CDK15: variants seen among roughly 807,000 people sequenced by gnomAD.
The protein encoded by CDK15 is cyclin-dependent kinase 15.
CDK15 carries 62 observed loss-of-function variants against 60.3 expected under a neutral mutation model. That is an observed-to-expected ratio of 1.03 (90% confidence interval 0.84 to 1.27). The LOEUF is 1.27. Among genes scored for constraint, CDK15 ranks in the 50% most tolerant of loss-of-function variants. The pLI is 0.00. For synonymous variants in CDK15, 194 were observed against 195.7 expected (o/e 0.99, Z 0.07); for missense variants, 541 against 527.8 (o/e 1.03, Z -0.25).
rs116298494 is a variant in CDK15 at position 201,835,216 on chromosome 2, C to T, written c.731-427C>T. On this transcript the variant is annotated intron_variant, in intron 7 of 13. Transcript: ENST00000652192. Reference sequence around the variant, plus strand: ...GCAGAGCATGTATGGTGGCCCCATGCTATCTTGGCCCAGGCTGCTTCTGTC... The same window carrying T: ...GCAGAGCATGTATGGTGGCCCCATGTTATCTTGGCCCAGGCTGCTTCTGTC... Among the ~76,000 whole-genome samples the T allele has an allele frequency of 4.2e-3, 643 of 152,318 alleles. 6 individuals carry two copies. The highest frequency in any genetic ancestry group is 0.014 in the African/African-American group (584 of 41,564).
intron 6 of CDK15, among the ~76,000 whole-genome samples, chr2:201,825,580 G>C (rs934929344): frequency 6.6e-6 from 1 of 152,104 alleles, no homozygotes; most frequent in Admixed American, 6.6e-5. Context: ...AAATAGGAAT[G>C]TTTCATGGTA....
At chr2:201,832,491 A>G (rs10194365) in intron 6 of CDK15, among the ~76,000 whole-genome samples, 41,553 of 152,178 alleles carry the variant, frequency 0.27, 5,853 homozygotes, top group East Asian at 0.42. Context: ...ATTTTGTGCT[A>G]TGGAAGCTTC....
At chr2:201,847,544 A>G in intron 9 of CDK15, 70 bp downstream of exon 9, 1 of 1,304,182 alleles carries the variant, frequency 7.7e-7, no homozygotes, top group East Asian at 2.3e-5. Context: ...TTTGCCTTAC[A>G]GACAAATGAA....
At chr2:201,816,670 G>A (rs1405830665) in intron 4 of CDK15, among the ~76,000 whole-genome samples, 1 of 151,994 alleles carries the variant, frequency 6.6e-6, no homozygotes, top group Non-Finnish European at 1.5e-5. Context: ...GAATTGCTGG[G>A]TCAAATGGTA....
In CDK15 at chr2:201,833,873, G is replaced by T. The variant is rs1250795141; in HGVS notation, c.632G>T (p.Gly211Val). The T allele has an allele frequency of 3.1e-6, 5 of 1,613,576 alleles. No individual in the cohort carries two copies. Among genetic ancestry groups the T allele is most frequent in the Admixed American group, 1.7e-5 (1 of 59,954 alleles). Reference protein sequence around the residue: ...VRLFMFQLLRGLAYIHHQHVL... With the variant: ...VRLFMFQLLRVLAYIHHQHVL... ...CTTTTCATGTTTCAACTTTTGCGGGGCCTGGCGTACATCCACCACCAACAC... is the reference window on the plus strand; with the variant it reads ...CTTTTCATGTTTCAACTTTTGCGGGTCCTGGCGTACATCCACCACCAACAC... Residue 211 changes from glycine to valine, a missense_variant, in exon 7 of 14, where the codon GGC (glycine) becomes GTC (valine). Coordinates refer to ENST00000652192, the MANE Select transcript of CDK15 (RefSeq NM_001366386.2).
intron 6 of CDK15, among the ~76,000 whole-genome samples, chr2:201,831,315 GT>G (rs1391793794): frequency 1.3e-5 from 2 of 152,158 alleles, no homozygotes; most frequent in African/African-American, 2.4e-5. Flanking sequence ...GATGGCACTA[GT>G]TCAATGGAAT....
chr2:201,807,985 G>A (rs1695594500), intron 3 of CDK15, 33 bp downstream of exon 3: 1 of 1,566,090 alleles, frequency 6.4e-7, no homozygotes, highest in Non-Finnish European at 8.8e-7. Context: ...AGACTTTAGA[G>A]ATGAGAGTCC....
In CDK15 at chr2:201,890,982, G is replaced by T; in HGVS notation, c.*33+55G>T. 13 of 903,454 alleles carry T rather than the reference G, an allele frequency of 1.4e-5. No individual in the cohort carries two copies. The South Asian group carries it at 1.7e-4, about 12-fold the overall frequency. 56.0% of individuals were successfully genotyped at this position (903,454 alleles called of 1,614,324 possible). Reference sequence around the variant, plus strand: ...TGGAACAAATTGAAAAGCAATTGGTGCCGGGTGGAGAGGACATTGCTCAGG... The same window carrying T: ...TGGAACAAATTGAAAAGCAATTGGTTCCGGGTGGAGAGGACATTGCTCAGG... On this transcript the variant is annotated intron_variant, in intron 13 of 13. Coordinates refer to ENST00000652192, the MANE Select transcript of CDK15 (RefSeq NM_001366386.2).
rs1454781903 is a variant in CDK15 at position 201,833,945 on chromosome 2, T to G, written c.704T>G (p.Leu235Arg). ...LKPQNLLISHLGELKLADFGL... is the reference protein window; with the variant it reads ...LKPQNLLISHRGELKLADFGL... The stretch of plus-strand genomic sequence containing the variant: ...CCTCAGAACTTACTCATCAGTCACC[T>G]GGGAGAGCTCAAACTGGCTGATTTT... The change falls in exon 7 of 14, where the codon CTG (leucine) becomes CGG (arginine). Residue 235 changes from leucine (L) to arginine (R), a missense_variant. Coordinates refer to ENST00000652192, the MANE Select transcript of CDK15 (RefSeq NM_001366386.2). The G allele has an allele frequency of 6.2e-7, 1 of 1,613,920 alleles. No homozygotes were observed. Among genetic ancestry groups the G allele is most frequent in the South Asian group, 1.1e-5 (1 of 91,056 alleles).
intron 9 of CDK15, among the ~76,000 whole-genome samples, chr2:201,853,940 T>A (rs1698021731): frequency 6.6e-6 from 1 of 152,068 alleles, no homozygotes; most frequent in Admixed American, 6.6e-5. Context: ...GGTGGGCAGA[T>A]CACGAGGTCA....
intron 9 of CDK15, 59 bp from the exon 10 acceptor site, chr2:201,854,815 C>A: frequency 2.0e-6 from 3 of 1,470,816 alleles, no homozygotes; most frequent in Non-Finnish European, 2.9e-6. Context: ...CTCCATACCT[C>A]TTCCATCCAC....
chr2:201,865,128 T>A (rs904617035), intron 10 of CDK15, among the ~76,000 whole-genome samples: 4 of 152,192 alleles, frequency 2.6e-5, no homozygotes, highest in African/African-American at 9.6e-5. Flanking sequence ...AGGGCTGGGT[T>A]CCATGCCTGT....
chr2:201,887,683 G>A (rs1479495801), intron 12 of CDK15, among the ~76,000 whole-genome samples: 1 of 152,176 alleles, frequency 6.6e-6, no homozygotes, highest in Non-Finnish European at 1.5e-5. Flanking sequence ...TGAAGGGCAG[G>A]AGGGAAAGGA....
At chr2:201,864,697 G>A (rs75562051) in intron 10 of CDK15, among the ~76,000 whole-genome samples, 2 of 152,168 alleles carry the variant, frequency 1.3e-5, no homozygotes, top group Admixed American at 6.5e-5. Context: ...CACTGTGCCC[G>A]GCCACCCCTG....
rs371018921 is a variant in CDK15 at position 201,823,650 on chromosome 2, C to T, written c.544-15C>T. 46 of 1,612,032 alleles carry T rather than the reference C, an allele frequency of 2.9e-5. No homozygotes were observed. The highest frequency in any genetic ancestry group is 1.6e-4 in the Middle Eastern group (1 of 6,078). The stretch of plus-strand genomic sequence containing the variant: ...CTAAATTCACTCACTTCTCTTTCTC[C>T]GCTGTTTTATTTAGCACACAGACCT... On this transcript the variant is annotated splice_polypyrimidine_tract_variant and intron_variant, in intron 5 of 13. Coordinates refer to ENST00000652192, the MANE Select transcript of CDK15 (RefSeq NM_001366386.2).
intron 11 of CDK15, among the ~76,000 whole-genome samples, chr2:201,872,814 C>T (rs1320778034): frequency 2.0e-5 from 3 of 152,152 alleles, no homozygotes; most frequent in South Asian, 2.1e-4. Flanking sequence ...AGAGACATTC[C>T]GGGAATAGTT....
intron 10 of CDK15, among the ~76,000 whole-genome samples, chr2:201,856,709 C>T: frequency 6.6e-6 from 1 of 152,134 alleles, no homozygotes; most frequent in East Asian, 1.9e-4. Flanking sequence ...AGAATGCCAG[C>T]AGAAGTTTAG....
chr2:201,868,771 T>G (rs1200819803), intron 10 of CDK15, among the ~76,000 whole-genome samples: 1 of 150,772 alleles, frequency 6.6e-6, no homozygotes, highest in African/African-American at 2.4e-5. Flanking sequence ...AACAGACACA[T>G]GAAAAAATGT....
At position 201,888,316 on chromosome 2, in the gene CDK15, A is replaced by G. The variant is rs529002057; in HGVS notation, c.1199-2469A>G. The G allele has an allele frequency of 5.5e-5, 71 of 1,289,438 alleles. No homozygotes were observed. In the Admixed American group the frequency reaches 2.2e-3, roughly 41 times the overall value. The allele number at this position is 1,289,438 out of a possible 1,614,324, so 79.9% of individuals were successfully genotyped here. The stretch of plus-strand genomic sequence containing the variant: ...ACTCAATTAGACTAAAAAGACAACT[A>G]TCTCATTATCTCGTTCCGAAATGAT... On this transcript the variant is annotated intron_variant, in intron 12 of 13. Coordinates refer to ENST00000652192, the MANE Select transcript of CDK15 (RefSeq NM_001366386.2).
Sources: allele counts gnomAD v4.1 joint callset (sites outside exome capture counted in the v4.1 genomes callset), GRCh38; gene constraint gnomAD v4.1.1; transcripts MANE v1.5; gene names NCBI Gene and HGNC (gene_info 2026-07-23, HGNC 2026-07-21).